NCKAP5: variants seen among roughly 807,000 people sequenced by gnomAD.
NCKAP5 encodes NCK associated protein 5.
A neutral mutation model predicts 167.0 loss-of-function variants in NCKAP5; 92 were observed. The ratio of observed to expected loss-of-function variants is 0.55; its 90% CI spans 0.47 to 0.66. The LOEUF is 0.66. NCKAP5 is among the 30% of genes least tolerant of loss of function. The pLI is 0.00. For missense variants in NCKAP5, 2,378 were observed against 2,315.0 expected (o/e 1.03, Z -0.56); for synonymous variants, 891 against 877.4 (o/e 1.02, Z -0.27).
At chr2:132,936,084 T>C (rs1028288188) in intron 8 of NCKAP5, among the ~76,000 whole-genome samples, 5 of 151,290 alleles carry the variant, frequency 3.3e-5, no homozygotes, top group Non-Finnish European at 7.4e-5. Context: ...CAGATGCAAA[T>C]GGCTCTCCTG....
intron 19 of NCKAP5, 68 bp downstream of exon 19, chr2:132,725,559 T>C: frequency 6.6e-7 from 1 of 1,512,750 alleles, no homozygotes; most frequent in Non-Finnish European, 8.8e-7. Flanking sequence ...CCGAGCACAG[T>C]GAAAGGTATA....
chr2:133,473,187 C>T (rs1056406403), intron 3 of NCKAP5, among the ~76,000 whole-genome samples: 2 of 152,120 alleles, frequency 1.3e-5, no homozygotes, highest in African/African-American at 2.4e-5. Flanking sequence ...CAAAAATTAG[C>T]CAGGCCTAGT....
At chr2:133,271,799 T>C (rs2089524283) in intron 4 of NCKAP5, among the ~76,000 whole-genome samples, 1 of 152,214 alleles carries the variant, frequency 6.6e-6, no homozygotes, top group Non-Finnish European at 1.5e-5. Context: ...CATTAATTTT[T>C]CTGGGGGTAA....
the NCKAP5 span, among the ~76,000 whole-genome samples, chr2:133,600,925 A>G: frequency 3.9e-5 from 6 of 152,238 alleles, no homozygotes. Context: ...CAGTCCCTAC[A>G]GGGATGTTCT....
intron 16 of NCKAP5, among the ~76,000 whole-genome samples, chr2:132,757,513 T>C (rs1680652443): frequency 6.6e-6 from 1 of 152,236 alleles, no homozygotes; most frequent in Admixed American, 6.5e-5. Context: ...AAGAACACCC[T>C]GTTCTCAAGA....
chr2:133,481,770 T>C (rs1680464944), intron 3 of NCKAP5, among the ~76,000 whole-genome samples: 1 of 152,218 alleles, frequency 6.6e-6, no homozygotes, highest in African/African-American at 2.4e-5. Flanking sequence ...GATCTCATTC[T>C]TTTTTATGCC....
intron 19 of NCKAP5, among the ~76,000 whole-genome samples, chr2:132,686,849 A>C (rs2105089984): frequency 6.6e-6 from 1 of 152,356 alleles, no homozygotes; most frequent in East Asian, 1.9e-4. Flanking sequence ...ACAGGAAAAT[A>C]GACTTTGTTC....
At chr2:132,777,745 A>G (rs1027027103) in intron 15 of NCKAP5, among the ~76,000 whole-genome samples, 10 of 152,188 alleles carry the variant, frequency 6.6e-5, no homozygotes, top group African/African-American at 2.4e-4. Flanking sequence ...GCAGAACTTA[A>G]TAAGATGATA....
chr2:132,916,709 C>A (rs1171816929), intron 8 of NCKAP5, among the ~76,000 whole-genome samples: 1 of 152,032 alleles, frequency 6.6e-6, no homozygotes, highest in Non-Finnish European at 1.5e-5. Flanking sequence ...ATATGTGGCA[C>A]TAGCTGCTTA....
At chr2:133,530,604 A>G (rs928056655) in intron 2 of NCKAP5, among the ~76,000 whole-genome samples, 2 of 152,154 alleles carry the variant, frequency 1.3e-5, no homozygotes, top group East Asian at 3.9e-4. Flanking sequence ...CTCCCTTCCT[A>G]TGATGCCCAA....
At chr2:133,046,440 G>A (rs900312023) in intron 6 of NCKAP5, among the ~76,000 whole-genome samples, 4 of 152,098 alleles carry the variant, frequency 2.6e-5, no homozygotes, top group Non-Finnish European at 5.9e-5. Context: ...GTGGAGTGGT[G>A]TGATCATGGC....
intron 1 of NCKAP5, among the ~76,000 whole-genome samples, chr2:133,567,997 A>C (rs760240662): frequency 1.4e-4 from 21 of 152,222 alleles, no homozygotes; most frequent in Non-Finnish European, 2.4e-4. Flanking sequence ...TATCATCTGC[A>C]TCCTGGTATT....
chr2:132,949,014 G>T (rs1037197537), intron 8 of NCKAP5, among the ~76,000 whole-genome samples: 6,604 of 127,294 alleles, frequency 0.052, 599 homozygotes, highest in African/African-American at 0.21. Flanking sequence ...GAAAAGAAAA[G>T]AAAAGAAAAG....
At chr2:132,942,025 T>C (rs1032524663) in intron 8 of NCKAP5, among the ~76,000 whole-genome samples, 6 of 152,188 alleles carry the variant, frequency 3.9e-5, no homozygotes, top group African/African-American at 1.4e-4. Context: ...ATGGGTGTGT[T>C]ATAGTTCCTA....
At chr2:133,224,770 A>G (rs2086808640) in intron 4 of NCKAP5, among the ~76,000 whole-genome samples, 1 of 152,200 alleles carries the variant, frequency 6.6e-6, no homozygotes, top group Admixed American at 6.5e-5. Context: ...TCTAAAATAC[A>G]TATTAGAGCA....
In NCKAP5 at chr2:133,116,474, C is replaced by A. The variant is rs1351618884; in HGVS notation, c.341+13504G>T. ...CTGCACTCCAGCCTGGGCGACAGAG[C>A]GAGACTCCGTCTCAAAAAAAAAAAA... On this transcript the variant is annotated intron_variant, in intron 6 of 19. Transcript: ENST00000409261. Among the ~76,000 whole-genome samples the A allele has an allele frequency of 3.2e-5, 2 of 62,580 alleles. 1 individual carries two copies. The highest frequency in any genetic ancestry group is 4.9e-5 in the Non-Finnish European group (2 of 40,694). The allele number at this position is 62,580 out of a possible 152,430, so 41.1% of individuals were successfully genotyped here.
intron 6 of NCKAP5, among the ~76,000 whole-genome samples, chr2:133,111,401 T>C (rs2081906351): frequency 6.6e-6 from 1 of 152,232 alleles, no homozygotes; most frequent in African/African-American, 2.4e-5. Context: ...CAAGCACTAC[T>C]GACTACCAAC....
chr2:133,184,759 T>A (rs773448308), intron 5 of NCKAP5, among the ~76,000 whole-genome samples: 7 of 152,202 alleles, frequency 4.6e-5, no homozygotes, highest in Non-Finnish European at 8.8e-5. Flanking sequence ...TGCTTCCATG[T>A]ATTCTTTTGA....
At chr2:133,641,237 G>T in the NCKAP5 span, among the ~76,000 whole-genome samples, 76 of 152,274 alleles carry the variant, frequency 5.0e-4, no homozygotes, top group African/African-American at 1.7e-3. Flanking sequence ...TGGTTCAGTT[G>T]TTTTCTTTAC....
Sources: allele counts gnomAD v4.1 joint callset (sites outside exome capture counted in the v4.1 genomes callset), GRCh38; gene constraint gnomAD v4.1.1; transcripts MANE v1.5; gene names NCBI Gene and HGNC (gene_info 2026-07-23, HGNC 2026-07-21).